The following LGR6 variants were observed in gnomAD, a reference collection of about 807,000 sequenced individuals.
The protein encoded by LGR6 is leucine-rich repeat-containing G protein-coupled receptor 6.
A neutral mutation model predicts 69.4 loss-of-function variants in LGR6; 45 were observed. The ratio of observed to expected loss-of-function variants is 0.65; its 90% CI spans 0.51 to 0.83. LGR6 has a LOEUF of 0.83. Ranked by LOEUF, LGR6 falls within the 40% of genes least tolerant of loss-of-function variation. The pLI is 0.00. For synonymous variants in LGR6, 538 were observed against 555.0 expected (o/e 0.97, Z 0.43); for missense variants, 1,108 against 1,246.7 (o/e 0.89, Z 1.68).
intron 13 of LGR6, 139 bp downstream of exon 13, chr1:202,307,078 C>G: frequency 1.3e-6 from 1 of 773,520 alleles, no homozygotes; most frequent in South Asian, 1.6e-5. Context: ...GCCCCCACCC[C>G]CAGCACACAC....
Position 202,280,794 on chromosome 1 carries a change from A to C in LGR6, c.658A>C (p.Asn220His), listed in dbSNP as rs766622084. 5.0e-6 allele frequency: 8 copies of C among 1,614,094 alleles called. No homozygotes were observed. Among genetic ancestry groups the C allele is most frequent in the Non-Finnish European group, 6.8e-6 (8 of 1,180,038 alleles). Residue 220 changes from asparagine to histidine, a missense_variant, in exon 6 of 18, where the codon AAC becomes CAC. Asn to His is a moderately conservative substitution (Grantham distance 68). Coordinates refer to ENST00000367278, the MANE Select transcript of LGR6 (RefSeq NM_001017403.2). ...TSLVVLHLHN[N>H]RIQHLGTHSF... Reference sequence around the variant, plus strand: ...CTTCCCGTGCAGGCATTTGCATAACAACCGCATCCAGCATCTGGGGACCCA... The same window carrying C: ...CTTCCCGTGCAGGCATTTGCATAACCACCGCATCCAGCATCTGGGGACCCA...
rs1665534737 is a variant in LGR6 at position 202,276,175 on chromosome 1, TGGC to T, written c.429-130_429-128del. On this transcript the variant is annotated intron_variant, in intron 4 of 17. Coordinates refer to ENST00000367278, the MANE Select transcript of LGR6 (RefSeq NM_001017403.2). ...AAGAGGCGGGATACAGGATACATGG[TGGC>T]CAAGTCACAACTTTAGTCCCAGGGA... 4.4e-6 allele frequency: 3 copies of T among 677,322 alleles called. No homozygotes were observed. In the African/African-American group the frequency reaches 5.4e-5, roughly 12 times the overall value. The allele number at this position is 677,322 out of a possible 1,614,324, so 42.0% of individuals were successfully genotyped here. A position where few individuals can be genotyped will look rare whatever the true frequency, so the allele number is the denominator to read the frequency against.
At chr1:202,230,548 C>A (rs1188028326) in intron 3 of LGR6, among the ~76,000 whole-genome samples, 1 of 152,224 alleles carries the variant, frequency 6.6e-6, no homozygotes, top group African/African-American at 2.4e-5. Flanking sequence ...AATGCCCGAG[C>A]CTCTGAGGGC....
rs897241695 is a variant in LGR6 at position 202,317,858 on chromosome 1, T to C, written c.1649-94T>C. On this transcript the variant is annotated intron_variant, in intron 17 of 17. Transcript: ENST00000367278. ...AAGGGCCATGTTCATCTCCTTTTGATTGGAAATTCTCTGAATACAGAGGCT... is the reference window on the plus strand; with the variant it reads ...AAGGGCCATGTTCATCTCCTTTTGACTGGAAATTCTCTGAATACAGAGGCT... The C allele has an allele frequency of 5.5e-6, 7 of 1,268,532 alleles. No individual in the cohort carries two copies. The African/African-American group carries it at 8.9e-5, about 16-fold the overall frequency. 78.6% of individuals were successfully genotyped at this position (1,268,532 alleles called of 1,614,324 possible).
At position 202,318,559 on chromosome 1, in the gene LGR6, C is replaced by G; in HGVS notation, c.2256C>G (p.Ile752Met). The G allele has an allele frequency of 6.2e-7, 1 of 1,614,152 alleles. No homozygotes were observed. The highest frequency in any genetic ancestry group is 1.1e-5 in the South Asian group (1 of 91,086). ...FCFLVVAGAY[I>M]KLYCDLPRGD... Reference sequence around the variant, plus strand: ...TCCTGGTCGTGGCCGGTGCCTACATCAAACTGTACTGTGACCTGCCGCGGG... The same window carrying G: ...TCCTGGTCGTGGCCGGTGCCTACATGAAACTGTACTGTGACCTGCCGCGGG... The change falls in exon 18 of 18, where the codon ATC becomes ATG. Residue 752 changes from isoleucine (I) to methionine (M), a missense_variant. Physicochemically the swap from Ile to Met is conservative, Grantham distance 10. Coordinates refer to ENST00000367278, the MANE Select transcript of LGR6 (RefSeq NM_001017403.2).
rs544800496 is a variant in LGR6 at position 202,272,615 on chromosome 1, G to A, written c.429-3691G>A. 4.6e-5 allele frequency among the ~76,000 whole-genome samples: 7 copies of A among 152,328 alleles called. No individual in the cohort carries two copies. In the East Asian group the frequency reaches 1.4e-3, roughly 29 times the overall value. On this transcript the variant is annotated intron_variant, in intron 4 of 17. Transcript: ENST00000367278. ...CTTCCCTAAGAGGCTGAGAAAGTAA[G>A]GCCCTGTTTTAAGCCAGTGCCATGC...
chr1:202,220,306 C>T (rs1660062853), intron 1 of LGR6, among the ~76,000 whole-genome samples: 1 of 152,158 alleles, frequency 6.6e-6, no homozygotes, highest in South Asian at 2.1e-4. Flanking sequence ...CAACCTCCGC[C>T]TCCTGAGTTC....
At chr1:202,225,223 G>C (rs77426434) in intron 1 of LGR6, 200 bp from the exon 2 acceptor site, 5,789 of 534,650 alleles carry the variant, frequency 0.011, 260 homozygotes, top group African/African-American at 0.094. Context: ...CAAATGACCC[G>C]GGAGGCCTGA....
intron 1 of LGR6, among the ~76,000 whole-genome samples, chr1:202,223,480 G>T (rs553221337): frequency 1.2e-4 from 18 of 152,228 alleles, no homozygotes; most frequent in African/African-American, 4.3e-4. Context: ...TTTCTTGGGG[G>T]GAAATGCAGA....
At chr1:202,206,376 C>T (rs1659232012) in intron 1 of LGR6, among the ~76,000 whole-genome samples, 1 of 152,236 alleles carries the variant, frequency 6.6e-6, no homozygotes, top group Non-Finnish European at 1.5e-5. Context: ...AACCAGATCA[C>T]GTCTCAGGCC....
chr1:202,236,220 C>T (rs1281215042), intron 4 of LGR6: 11 of 557,290 alleles, frequency 2.0e-5, no homozygotes, highest in Admixed American at 6.3e-5. Flanking sequence ...AGTGCTCCCA[C>T]GCCCCACTGG....
chr1:202,216,858 C>A (rs574106819), intron 1 of LGR6, among the ~76,000 whole-genome samples: 1 of 152,216 alleles, frequency 6.6e-6, no homozygotes, highest in Non-Finnish European at 1.5e-5. Flanking sequence ...CCCAGTGCCA[C>A]GCTTTGCTCT....
intron 16 of LGR6, among the ~76,000 whole-genome samples, chr1:202,313,332 G>A (rs367895482): frequency 5.3e-5 from 8 of 152,250 alleles, no homozygotes; most frequent in African/African-American, 1.9e-4. Flanking sequence ...CTCCCATTGG[G>A]GACTTTCTGT....
chr1:202,237,583 C>T lies in LGR6; in HGVS notation c.428+1590C>T, dbSNP rs542464027. Among the ~76,000 whole-genome samples, 15 of 152,288 alleles carry T rather than the reference C, an allele frequency of 9.8e-5. No individual in the cohort carries two copies. The South Asian group carries it at 2.9e-3, about 29-fold the overall frequency. On this transcript the variant is annotated intron_variant, in intron 4 of 17. Transcript: ENST00000367278. The stretch of plus-strand genomic sequence containing the variant: ...TTGGGGCTTCTAAAGGTCTTGCTTT[C>T]GGACTAGGCATGGAGCTTTTGGGCA...
chr1:202,317,436 C>T (rs1013257341), intron 17 of LGR6, among the ~76,000 whole-genome samples: 1 of 152,004 alleles, frequency 6.6e-6, no homozygotes, highest in Non-Finnish European at 1.5e-5. Context: ...CCTCCGTCCC[C>T]CGGGTTCAAG....
Position 202,262,685 on chromosome 1 carries a change from T to A in LGR6, c.429-13621T>A, listed in dbSNP as rs185203006. Among the ~76,000 whole-genome samples the A allele has an allele frequency of 4.8e-3, 738 of 152,298 alleles. 5 individuals are homozygous for A. Among genetic ancestry groups the A allele is most frequent in the African/African-American group, 0.017 (712 of 41,542 alleles). On this transcript the variant is annotated intron_variant, in intron 4 of 17. Coordinates refer to ENST00000367278, the MANE Select transcript of LGR6 (RefSeq NM_001017403.2). ...AATACCTATGATTCTCAAATTCAAA[T>A]TCAGTTCTCGTTTCTATCTATCTCA... is the stretch of plus-strand genomic sequence containing the variant.
At chr1:202,196,793 A>G (rs1658656977) in intron 1 of LGR6, among the ~76,000 whole-genome samples, 1 of 152,152 alleles carries the variant, frequency 6.6e-6, no homozygotes. Flanking sequence ...AATTGAGCCT[A>G]GTGGGTGAGT....
chr1:202,309,096 TG>T lies in LGR6; in HGVS notation c.1331del (p.Gly444AlafsTer2). 6.2e-7 allele frequency: 1 copy of T among 1,614,092 alleles called. No individual in the cohort carries two copies. The highest frequency in any genetic ancestry group is 8.5e-7 in the Non-Finnish European group (1 of 1,179,974). On this transcript the variant is annotated frameshift_variant, in exon 15 of 18. Coordinates refer to ENST00000367278, the MANE Select transcript of LGR6 (RefSeq NM_001017403.2). LOFTEE classifies it high-confidence loss of function. Reference protein sequence around the residue: ...QLTTLPLAGLGGLMHLKLKGN... With the variant: ...QLTTLPLAGLXGLMHLKLKGN... ...TGACCACACTGCCCCTGGCTGGACT[TG>T]GGGGCTTGATGCATCTGAAGCTCAA...
At chr1:202,310,828 G>T (rs1362624864) in intron 16 of LGR6, among the ~76,000 whole-genome samples, 1 of 151,978 alleles carries the variant, frequency 6.6e-6, no homozygotes, top group Non-Finnish European at 1.5e-5. Context: ...GAACCAAAAG[G>T]AACAGTGTAG....
Sources: gnomAD v4.1 joint callset for allele counts (sites outside exome capture counted in the v4.1 genomes callset) on GRCh38, gnomAD v4.1.1 for gene constraint, MANE v1.5 for transcripts, NCBI Gene and HGNC (gene_info 2026-07-23, HGNC 2026-07-21) for gene names.